The following IGFL2 variants were observed in gnomAD, a reference collection of about 807,000 sequenced individuals.
IGFL2 encodes the protein insulin growth factor-like family member 2.
Under a neutral mutation model 13.9 loss-of-function variants are expected in IGFL2, and 7 were observed. That is an observed-to-expected ratio of 0.51 (90% confidence interval 0.29 to 0.95). IGFL2 has a LOEUF of 0.95. Ranked by LOEUF, IGFL2 falls within the 40% of genes least tolerant of loss-of-function variation. IGFL2 has a pLI of 0.08. For missense variants in IGFL2, 138 were observed against 147.8 expected (o/e 0.93, Z 0.34); for synonymous variants, 55 against 55.8 (o/e 0.99, Z 0.07).
the IGFL2 span, among the ~76,000 whole-genome samples, chr19:46,080,087 T>C: frequency 2.6e-5 from 4 of 152,290 alleles, no homozygotes; most frequent in African/African-American, 9.6e-5. Context: ...ACAGTGAAAA[T>C]GTAAGTTTAA....
At chr19:46,148,972 A>T in intron 1 of IGFL2, 2 of 1,590,650 alleles carry the variant, frequency 1.3e-6, no homozygotes, top group South Asian at 2.3e-5. Context: ...CTGGGCTCTC[A>T]GCGCCAGGAA....
chr19:46,178,375 C>G, the IGFL2 span, among the ~76,000 whole-genome samples: 2 of 152,186 alleles, frequency 1.3e-5, no homozygotes, highest in East Asian at 3.8e-4. Flanking sequence ...CATCACACTA[C>G]AGATAGCCAG....
the IGFL2 span, among the ~76,000 whole-genome samples, chr19:46,132,801 T>C: frequency 3.9e-5 from 6 of 151,928 alleles, no homozygotes; most frequent in Non-Finnish European, 7.4e-5. Context: ...TTCTTGGGAC[T>C]GGAACCCAAA....
chr19:46,134,835 C>G, the IGFL2 span, among the ~76,000 whole-genome samples: 1 of 152,122 alleles, frequency 6.6e-6, no homozygotes, highest in Non-Finnish European at 1.5e-5. Context: ...TGGTACCAGT[C>G]CATGGCCTGT....
the IGFL2 span, chr19:46,207,252 C>T: frequency 6.6e-6 from 1 of 152,172 alleles, no homozygotes; most frequent in Non-Finnish European, 1.5e-5. Context: ...TGGTCCTTAT[C>T]TCCTCGCCAT....
the IGFL2 span, among the ~76,000 whole-genome samples, chr19:46,194,848 ATATATTTTTTTTTTT>A: frequency 2.9e-5 from 1 of 33,952 alleles, no homozygotes; most frequent in Non-Finnish European, 6.3e-5. Flanking sequence ...ATATATATAT[ATATATTTTTTTTTTT>A]TTTTTTTTTT....
the IGFL2 span, among the ~76,000 whole-genome samples, chr19:46,093,155 C>G: frequency 2.6e-5 from 4 of 152,168 alleles, no homozygotes; most frequent in South Asian, 8.3e-4. Context: ...TTTTGAAGAT[C>G]TTTGCTTAAA....
At chr19:46,134,569 T>C in the IGFL2 span, among the ~76,000 whole-genome samples, 2 of 152,184 alleles carry the variant, frequency 1.3e-5, no homozygotes, top group Admixed American at 6.5e-5. Context: ...TGACAGATCA[T>C]CAGACATTAG....
At chr19:46,115,754 T>G in the IGFL2 span, among the ~76,000 whole-genome samples, 1 of 152,170 alleles carries the variant, frequency 6.6e-6, no homozygotes, top group African/African-American at 2.4e-5. Flanking sequence ...AAGTTCAGAT[T>G]ATTTTCAAGC....
chr19:46,186,176 T>A, the IGFL2 span, among the ~76,000 whole-genome samples: 1 of 152,090 alleles, frequency 6.6e-6, no homozygotes, highest in Non-Finnish European at 1.5e-5. Context: ...CCGGGCTGAT[T>A]GCGTGCCGGC....
At chr19:46,093,220 A>G in the IGFL2 span, among the ~76,000 whole-genome samples, 15 of 152,316 alleles carry the variant, frequency 9.8e-5, no homozygotes, top group African/African-American at 3.6e-4. Context: ...CTTTATGATT[A>G]TGAAAATCTC....
the IGFL2 span, among the ~76,000 whole-genome samples, chr19:46,188,396 A>G: frequency 1.3e-5 from 2 of 152,146 alleles, no homozygotes; most frequent in Middle Eastern, 3.4e-3. Flanking sequence ...AGCCACCGTG[A>G]CGCTCATTCC....
the IGFL2 span, chr19:46,209,098 A>C: frequency 7.9e-6 from 1 of 127,036 alleles, no homozygotes; most frequent in African/African-American, 2.5e-5. Context: ...TGTCCTCCCC[A>C]GACTATAAGA....
chr19:46,156,730 G>A (rs543685298), intron 1 of IGFL2, among the ~76,000 whole-genome samples: 1 of 151,590 alleles, frequency 6.6e-6, no homozygotes, highest in South Asian at 2.1e-4. Context: ...CAAGAAGCTA[G>A]GAAAAAATAA....
the IGFL2 span, among the ~76,000 whole-genome samples, chr19:46,201,639 C>CGGGGTAA: frequency 6.6e-6 from 1 of 151,990 alleles, no homozygotes; most frequent in South Asian, 2.1e-4. Context: ...TGCAGCACGT[C>CGGGGTAA]GGGGTAAGGA....
chr19:46,083,089 T>C, the IGFL2 span, among the ~76,000 whole-genome samples: 1 of 152,250 alleles, frequency 6.6e-6, no homozygotes, highest in Non-Finnish European at 1.5e-5. Flanking sequence ...TCTTGTTACA[T>C]AAGATAATTT....
At chr19:46,173,281 C>A in the IGFL2 span, among the ~76,000 whole-genome samples, 1 of 152,160 alleles carries the variant, frequency 6.6e-6, no homozygotes, top group Non-Finnish European at 1.5e-5. Context: ...ATATGGAGCC[C>A]AGAAGGTGAA....
the IGFL2 span, among the ~76,000 whole-genome samples, chr19:46,171,207 C>T: frequency 1.3e-5 from 2 of 152,038 alleles, no homozygotes; most frequent in Admixed American, 6.6e-5. Context: ...TCAGACTGGC[C>T]GACACTTAGG....
the IGFL2 span, among the ~76,000 whole-genome samples, chr19:46,172,941 C>G: frequency 6.6e-6 from 1 of 152,026 alleles, no homozygotes; most frequent in African/African-American, 2.4e-5. Flanking sequence ...CCTTCATACC[C>G]CTCTATGTAA....
Sources: allele counts gnomAD v4.1 joint callset (sites outside exome capture counted in the v4.1 genomes callset), GRCh38; gene constraint gnomAD v4.1.1; transcripts MANE v1.5; gene names NCBI Gene and HGNC (gene_info 2026-07-23, HGNC 2026-07-21).